Variants in FCRL5 observed in about 807,000 individuals in gnomAD.
FCRL5 encodes the protein Fc receptor like 5.
FCRL5 carries 79 observed loss-of-function variants against 92.1 expected under a neutral mutation model. The observed-to-expected ratio is 0.86, with a 90% confidence interval of 0.72 to 1.03. The LOEUF is 1.03. Among genes scored for constraint, FCRL5 ranks in the 50% least tolerant of loss-of-function variants. FCRL5 has a pLI of 0.00. For missense variants in FCRL5, 1,160 were observed against 1,181.1 expected (o/e 0.98, Z 0.26); for synonymous variants, 466 against 469.3 (o/e 0.99, Z 0.09).
intron 9 of FCRL5, 151 bp downstream of exon 9, chr1:157,527,466 C>A (rs1650482279): frequency 2.8e-6 from 2 of 707,668 alleles, no homozygotes; most frequent in Middle Eastern, 2.5e-4. Flanking sequence ...GTGTAGGATA[C>A]AAAACTTAGA....
chr1:157,544,359 G>A lies in FCRL5; in HGVS notation c.747C>T (p.Ala249=), dbSNP rs758189051. The A allele has an allele frequency of 3.1e-6, 5 of 1,614,010 alleles. No homozygotes were observed. Among genetic ancestry groups the A allele is most frequent in the African/African-American group, 1.3e-5 (1 of 74,914 alleles). ...AGAACCCTGAATCTTTACTCCACAT[G>A]GCAGTAATCTGGAAATTCGGGGAGA... ...WSLSPNFQIT[A]MWSKDSGFYW... The change falls in exon 5 of 17, where the codon GCC becomes GCT. Residue 249 remains alanine, a synonymous_variant. Transcript: ENST00000361835.
intron 6 of FCRL5, among the ~76,000 whole-genome samples, chr1:157,540,535 A>C (rs1375092656): frequency 5.9e-5 from 9 of 152,058 alleles, no homozygotes; most frequent in Non-Finnish European, 1.3e-4. Context: ...TAAAAAAAAA[A>C]AAAACCATCA....
chr1:157,543,833 T>C (rs1254218335), intron 5 of FCRL5, among the ~76,000 whole-genome samples: 1 of 152,196 alleles, frequency 6.6e-6, no homozygotes, highest in Non-Finnish European at 1.5e-5. Context: ...GGAGTAACTA[T>C]AATGTTGCAA....
chr1:157,542,925 A>G lies in FCRL5; in HGVS notation c.1057T>C (p.Tyr353His). The G allele has an allele frequency of 6.2e-6, 10 of 1,614,182 alleles. No homozygotes were observed. Among genetic ancestry groups the G allele is most frequent in the Non-Finnish European group, 8.5e-6 (10 of 1,180,042 alleles). ...AGGCCATTGTCAGCTGTGCAGTAGT[A>G]GTTCCCTGAATTCTCTGTAGTCAGT... ...FSLTTENSGN[Y>H]YCTADNGLGA... Residue 353 changes from tyrosine to histidine, a missense_variant, in exon 6 of 17, where the codon TAC becomes CAC. Tyr to His is a moderately conservative substitution (Grantham distance 83). Coordinates refer to ENST00000361835, the MANE Select transcript of FCRL5 (RefSeq NM_031281.3).
Position 157,524,155 on chromosome 1 carries a change from G to C in FCRL5, c.2239+124C>G. The stretch of plus-strand genomic sequence containing the variant: ...TTTCACAGGGAGGTTCTGCAGGCAG[G>C]AAGTGTGCTGGGATGCCACACAAGC... On this transcript the variant is annotated intron_variant, in intron 10 of 16. Coordinates refer to ENST00000361835, the MANE Select transcript of FCRL5 (RefSeq NM_031281.3). The C allele has an allele frequency of 8.3e-6, 8 of 964,114 alleles. No individual in the cohort carries two copies. The South Asian group carries it at 1.3e-4, about 16-fold the overall frequency. 59.7% of individuals were successfully genotyped at this position (964,114 alleles called of 1,614,324 possible).
In FCRL5 at chr1:157,514,849, A is replaced by C. The variant is rs1263728456; in HGVS notation, c.*826T>G. ...TAGGGAGTGCACTGGATTTTATGCC[A>C]GTTTGATTACCCACAGTTTTCTTCC... is the stretch of plus-strand genomic sequence containing the variant. On this transcript the variant is annotated 3_prime_UTR_variant, in exon 17 of 17. Transcript: ENST00000361835. 1 of 152,246 alleles carries C rather than the reference A, an allele frequency of 6.6e-6. No homozygotes were observed. The highest frequency in any genetic ancestry group is 2.4e-5 in the African/African-American group (1 of 41,450). 9.4% of individuals were successfully genotyped at this position (152,246 alleles called of 1,614,324 possible).
rs762380185 is a variant in FCRL5 at position 157,515,320 on chromosome 1, G to A, written c.*355C>T. On this transcript the variant is annotated 3_prime_UTR_variant, in exon 17 of 17. Coordinates refer to ENST00000361835, the MANE Select transcript of FCRL5 (RefSeq NM_031281.3). ...TAGGCCAGCCCGGCATCTCCTGAAG[G>A]CCCACTCTCCCTTTGTGTGGTAAGA... 9.7e-5 allele frequency: 32 copies of A among 328,928 alleles called. No individual in the cohort carries two copies. Among genetic ancestry groups the A allele is most frequent in the African/African-American group, 1.7e-4 (8 of 47,670 alleles). 20.4% of individuals were successfully genotyped at this position (328,928 alleles called of 1,614,324 possible). A position where few individuals can be genotyped will look rare whatever the true frequency, so the allele number is the denominator to read the frequency against.
In FCRL5 at chr1:157,515,270, C is replaced by T. The variant is rs563679334; in HGVS notation, c.*405G>A. On this transcript the variant is annotated 3_prime_UTR_variant, in exon 17 of 17. Transcript: ENST00000361835. Reference sequence around the variant, plus strand: ...TCCACCCAAAGCAGGAACTCTGTGTCGGAGTTTAGGAGCACCTGAGCTGTT... The same window carrying T: ...TCCACCCAAAGCAGGAACTCTGTGTTGGAGTTTAGGAGCACCTGAGCTGTT... 1.1e-4 allele frequency: 31 copies of T among 281,568 alleles called. No homozygotes were observed. Among genetic ancestry groups the T allele is most frequent in the African/African-American group, 3.7e-4 (17 of 46,334 alleles). 17.4% of individuals were successfully genotyped at this position (281,568 alleles called of 1,614,324 possible). A position where few individuals can be genotyped will look rare whatever the true frequency, so the allele number is the denominator to read the frequency against.
chr1:157,544,868 G>C lies in FCRL5; in HGVS notation c.522C>G (p.Cys174Trp). ...TTTTGACTGTATTGGAAGAAACAGG[G>C]CAACAACTTTCCTTATATCCAGTAC... Reference protein sequence around the residue: ...YRCTGYKESCCPVSSNTVKIQ... With the variant: ...YRCTGYKESCWPVSSNTVKIQ... Residue 174 changes from cysteine to tryptophan, a missense_variant, in exon 4 of 17, where the codon TGC becomes TGG. Physicochemically the swap from Cys to Trp is radical, Grantham distance 215. Transcript: ENST00000361835. The C allele has an allele frequency of 6.2e-7, 1 of 1,614,178 alleles. No individual in the cohort carries two copies.
rs1650178467 is a variant in FCRL5 at position 157,521,272 on chromosome 1, G to A, written c.2260C>T (p.Leu754Phe). 1.2e-6 allele frequency: 2 copies of A among 1,611,846 alleles called. No homozygotes were observed. The highest frequency in any genetic ancestry group is 1.7e-6 in the Non-Finnish European group (2 of 1,179,264). Residue 754 changes from leucine (L) to phenylalanine (F), a missense_variant, in exon 11 of 17, where the codon CTC becomes TTC. Leu to Phe is a conservative substitution (Grantham distance 22, BLOSUM62 0). Coordinates refer to ENST00000361835, the MANE Select transcript of FCRL5 (RefSeq NM_031281.3). ...TGGGTCCCGGGAGCCCTGAGGGTGA[G>A]GACCGGGCGAGACACCGGAACTGAA... Reference protein sequence around the residue: ...KVAVPVSRPVLTLRAPGTHAA... With the variant: ...KVAVPVSRPVFTLRAPGTHAA...
At chr1:157,545,263 C>G (rs1277022683) in intron 3 of FCRL5, among the ~76,000 whole-genome samples, 181 bp from the exon 4 acceptor site, 1 of 152,112 alleles carries the variant, frequency 6.6e-6, no homozygotes, top group Non-Finnish European at 1.5e-5. Context: ...AGTTGAAAAG[C>G]AGAAATGTAG....
intron 14 of FCRL5, 76 bp downstream of exon 14, chr1:157,518,624 C>T: frequency 6.8e-7 from 1 of 1,476,014 alleles, no homozygotes; most frequent in Non-Finnish European, 9.4e-7. Flanking sequence ...GGCATAGTCC[C>T]TCCCCATCTC....
intron 6 of FCRL5, 87 bp downstream of exon 6, chr1:157,542,772 C>A: frequency 6.9e-7 from 1 of 1,445,792 alleles, no homozygotes. Flanking sequence ...ACTGAGGATA[C>A]TGGAAGGTAT....
intron 2 of FCRL5, among the ~76,000 whole-genome samples, chr1:157,547,882 T>C (rs1651632088): frequency 6.6e-6 from 1 of 152,374 alleles, no homozygotes; most frequent in Admixed American, 6.5e-5. Context: ...ACTAATTAAA[T>C]GTGGGATGCA....
chr1:157,527,760 G>T lies in FCRL5; in HGVS notation c.1817C>A (p.Thr606Asn). The T allele has an allele frequency of 1.2e-6, 2 of 1,614,182 alleles. No homozygotes were observed. Among genetic ancestry groups the T allele is most frequent in the African/African-American group, 1.3e-5 (1 of 75,056 alleles). The change falls in exon 9 of 17, where the codon ACC becomes AAC. Residue 606 changes from threonine to asparagine, a missense_variant. By Grantham distance (65) the Thr-to-Asn change is moderately conservative (BLOSUM62 0). Transcript: ENST00000361835. The stretch of plus-strand genomic sequence containing the variant: ...AGAGGGGGCTGAGCTGCTCCCCAGG[G>T]TGACATCCTCATGATAAAACCAGTA... ...ILYWFYHEDV[T>N]LGSSSAPSGG...
intron 14 of FCRL5, 89 bp downstream of exon 14, chr1:157,518,611 C>T: frequency 6.8e-7 from 1 of 1,462,512 alleles, no homozygotes; most frequent in Non-Finnish European, 9.5e-7. Flanking sequence ...CCCTCTAGGC[C>T]TCGGCATAGT....
intron 7 of FCRL5, 139 bp from the exon 8 acceptor site, chr1:157,535,031 A>C: frequency 8.7e-6 from 6 of 687,754 alleles, no homozygotes; most frequent in East Asian, 2.9e-5. Flanking sequence ...GCAACTTCTC[A>C]GGTTTCTGTG....
At chr1:157,546,324 TGTA>T in intron 3 of FCRL5, 4 of 431,052 alleles carry the variant, frequency 9.3e-6, no homozygotes, top group Non-Finnish European at 1.8e-5. Flanking sequence ...GGCGGGCTCT[TGTA>T]GTCCTACTTA....
intron 8 of FCRL5, among the ~76,000 whole-genome samples, chr1:157,530,071 T>C (rs376163383): frequency 1.1e-4 from 16 of 152,352 alleles, no homozygotes; most frequent in Admixed American, 3.9e-4. Flanking sequence ...TTTTCAGAAA[T>C]TACTTCTGTT....
Sources: allele counts gnomAD v4.1 joint callset (sites outside exome capture counted in the v4.1 genomes callset), GRCh38; gene constraint gnomAD v4.1.1; transcripts MANE v1.5; gene names NCBI Gene and HGNC (gene_info 2026-07-23, HGNC 2026-07-21).